Variants in BMPER observed in about 807,000 individuals in gnomAD.
The protein encoded by BMPER is BMP binding endothelial regulator.
Under a neutral mutation model 87.3 loss-of-function variants are expected in BMPER, and 45 were observed. The observed-to-expected ratio is 0.52, with a 90% CI of 0.41 to 0.66. The LOEUF is 0.66. Ranked by LOEUF, BMPER falls within the 30% of genes least tolerant of loss-of-function variation. The probability of loss-of-function intolerance (pLI) is 0.00; values close to 1 mark genes in which losing one functional copy is unlikely to be tolerated. For synonymous variants in BMPER, 326 were observed against 316.2 expected (o/e 1.03, Z -0.33); for missense variants, 784 against 867.5 (o/e 0.90, Z 1.21).
chr7:34,011,301 G>C (rs531934165), intron 6 of BMPER, among the ~76,000 whole-genome samples: 1 of 151,776 alleles, frequency 6.6e-6, no homozygotes, highest in Non-Finnish European at 1.5e-5. Context: ...AAGTTTCCAG[G>C]TGTTATCAAT....
At chr7:34,111,894 G>A (rs1037665066) in intron 13 of BMPER, among the ~76,000 whole-genome samples, 3 of 151,914 alleles carry the variant, frequency 2.0e-5, no homozygotes, top group Non-Finnish European at 4.4e-5. Flanking sequence ...TGTATTTTTA[G>A]TAGAGACAGG....
At chr7:33,984,400 A>G (rs539194415) in intron 6 of BMPER, among the ~76,000 whole-genome samples, 1 of 152,062 alleles carries the variant, frequency 6.6e-6, no homozygotes, top group African/African-American at 2.4e-5. Flanking sequence ...TGGAGGTGGA[A>G]GTTGCAGTGA....
intron 2 of BMPER, among the ~76,000 whole-genome samples, chr7:33,911,084 C>T (rs1783950543): frequency 1.3e-5 from 2 of 152,170 alleles, no homozygotes; most frequent in Admixed American, 6.5e-5. Context: ...ACATAGATTG[C>T]CTTGCTTTTT....
chr7:33,996,756 G>A (rs1443551707), intron 6 of BMPER, among the ~76,000 whole-genome samples: 1 of 152,032 alleles, frequency 6.6e-6, no homozygotes, highest in African/African-American at 2.4e-5. Flanking sequence ...AGTTTAAAAA[G>A]GTGAATAATT....
chr7:33,937,277 CT>C lies in BMPER; in HGVS notation c.220-7del. The C allele has an allele frequency of 6.2e-7, 1 of 1,612,326 alleles. No individual in the cohort carries two copies. The highest frequency in any genetic ancestry group is 1.1e-5 in the South Asian group (1 of 91,050). On this transcript the variant is annotated splice_polypyrimidine_tract_variant and intron_variant, in intron 2 of 14. Transcript: ENST00000649409. The stretch of plus-strand genomic sequence containing the variant: ...TGTCTATTTCAAATCTCTCGTGTCT[CT>C]TTTTGTCTAGAACAAGGAAGTGACA...
At chr7:34,072,696 T>A (rs1237350813) in intron 11 of BMPER, among the ~76,000 whole-genome samples, 1 of 152,212 alleles carries the variant, frequency 6.6e-6, no homozygotes, top group Non-Finnish European at 1.5e-5. Flanking sequence ...AATAACATAG[T>A]TACAGGTTCT....
At chr7:33,910,070 T>C (rs181990495) in intron 2 of BMPER, among the ~76,000 whole-genome samples, 1 of 152,278 alleles carries the variant, frequency 6.6e-6, no homozygotes, top group East Asian at 1.9e-4. Flanking sequence ...CCAAAAAGCT[T>C]CAGTTCATCT....
At chr7:34,133,231 C>A (rs891727993) in intron 13 of BMPER, among the ~76,000 whole-genome samples, 1 of 152,094 alleles carries the variant, frequency 6.6e-6, no homozygotes, top group African/African-American at 2.4e-5. Flanking sequence ...TTCAGCCTCT[C>A]CCTCTAGCCT....
chr7:34,058,285 C>T, intron 10 of BMPER, 122 bp downstream of exon 10: 2 of 911,000 alleles, frequency 2.2e-6, no homozygotes, highest in Non-Finnish European at 1.8e-6. Flanking sequence ...ACATTCCTGA[C>T]TAGTCAAATG....
intron 2 of BMPER, among the ~76,000 whole-genome samples, chr7:33,933,937 GAAA>G (rs1366590364): frequency 1.3e-5 from 2 of 152,058 alleles, no homozygotes; most frequent in African/African-American, 4.8e-5. Context: ...AATTTTTGGT[GAAA>G]AAAATGCACA....
At chr7:34,017,531 G>A (rs1306429754) in intron 6 of BMPER, among the ~76,000 whole-genome samples, 2 of 151,812 alleles carry the variant, frequency 1.3e-5, no homozygotes, top group Non-Finnish European at 2.9e-5. Flanking sequence ...CCTACCACTG[G>A]GTCCCTCCTG....
At chr7:34,144,890 C>G (rs1488838320) in intron 14 of BMPER, among the ~76,000 whole-genome samples, 1 of 152,164 alleles carries the variant, frequency 6.6e-6, no homozygotes, top group Non-Finnish European at 1.5e-5. Flanking sequence ...CCACCCATGC[C>G]ATTGCTGACT....
At chr7:34,110,498 C>G (rs1346245995) in intron 13 of BMPER, among the ~76,000 whole-genome samples, 1 of 152,226 alleles carries the variant, frequency 6.6e-6, no homozygotes, top group Non-Finnish European at 1.5e-5. Flanking sequence ...ATGAGAACAA[C>G]AGCTGGCCTG....
intron 2 of BMPER, among the ~76,000 whole-genome samples, chr7:33,936,739 T>TG: frequency 6.6e-6 from 1 of 152,200 alleles, no homozygotes; most frequent in Non-Finnish European, 1.5e-5. Flanking sequence ...AACACTGACG[T>TG]CCATGTCTCT....
chr7:33,936,293 GCA>G (rs1378910990), intron 2 of BMPER, among the ~76,000 whole-genome samples: 1 of 152,196 alleles, frequency 6.6e-6, no homozygotes, highest in Non-Finnish European at 1.5e-5. Context: ...CCGAGATGAG[GCA>G]CTGGTAGTGC....
rs1029869683 is a variant in BMPER at position 34,055,186 on chromosome 7, G to A, written c.810G>A (p.Arg270=). ...AGGACTCTACTGTGGTTTGCAAGAG[G>A]AAGTGCTCCCACCCTGGTGGCTGTG... ...TCRDSTVVCK[R]KCSHPGGCDQ... is the part of the protein sequence containing the mutation. Residue 270 remains arginine (R), a synonymous_variant, in exon 9 of 15, where the codon AGG becomes AGA. Coordinates refer to ENST00000649409, the MANE Select transcript of BMPER (RefSeq NM_001365308.1). 15 of 1,614,046 alleles carry A rather than the reference G, an allele frequency of 9.3e-6. No homozygotes were observed. In the African/African-American group the frequency reaches 1.6e-4, roughly 17 times the overall value.
intron 12 of BMPER, 106 bp downstream of exon 12, chr7:34,079,292 A>C: frequency 6.8e-7 from 1 of 1,460,160 alleles, no homozygotes; most frequent in Non-Finnish European, 9.4e-7. Flanking sequence ...TCCTCCGAGC[A>C]AAAACCCAAG....
intron 2 of BMPER, among the ~76,000 whole-genome samples, chr7:33,936,027 G>C (rs940272730): frequency 6.6e-6 from 1 of 152,026 alleles, no homozygotes; most frequent in Admixed American, 6.6e-5. Flanking sequence ...ACACAAGCTC[G>C]CAGGCACATA....
At chr7:34,040,981 TAA>T (rs1220958542) in intron 6 of BMPER, among the ~76,000 whole-genome samples, 3 of 152,126 alleles carry the variant, frequency 2.0e-5, no homozygotes, top group Admixed American at 2.0e-4. Context: ...AAAGCAGACA[TAA>T]AGCTACAACC....
Sources: allele counts gnomAD v4.1 joint callset (sites outside exome capture counted in the v4.1 genomes callset), GRCh38; gene constraint gnomAD v4.1.1; transcripts MANE v1.5; gene names NCBI Gene and HGNC (gene_info 2026-07-23, HGNC 2026-07-21).